IQCN: variants seen among roughly 807,000 people sequenced by gnomAD.
IQCN encodes IQ domain-containing protein N.
IQCN carries 46 observed loss-of-function variants against 64.4 expected under a neutral mutation model. The observed-to-expected ratio is 0.71, with a 90% confidence interval of 0.56 to 0.91. IQCN has a LOEUF of 0.91. IQCN is among the 40% of genes least tolerant of loss of function. The pLI is 0.00. For synonymous variants in IQCN, 733 were observed against 775.6 expected (o/e 0.95, Z 0.91); for missense variants, 1,753 against 1,857.4 (o/e 0.94, Z 1.03).
chr19:18,258,097 C>T lies in IQCN; in HGVS notation c.3187G>A (p.Asp1063Asn). 1 of 1,610,126 alleles carries T rather than the reference C, an allele frequency of 6.2e-7. No homozygotes were observed. The highest frequency in any genetic ancestry group is 1.1e-5 in the South Asian group (1 of 91,090). The change falls in exon 4 of 4, where the codon GAC becomes AAC. Residue 1063 changes from aspartate to asparagine, a missense_variant. By Grantham distance (23) the Asp-to-Asn change is conservative. Transcript: ENST00000392413. ...VRPQTSKGPA[D>N]AGVVGGQSWN... Reference sequence around the variant, plus strand: ...GATTGGCCACCAACCACACCAGCGTCCGCGGGGCCCTGGAGTATAGTGGAG... The same window carrying T: ...GATTGGCCACCAACCACACCAGCGTTCGCGGGGCCCTGGAGTATAGTGGAG...
rs1204694986 is a variant in IQCN, at chr19:18,266,962, T to C, written c.578A>G (p.Gln193Arg). Reference protein sequence around the residue: ...SPPIMVNKETQFPSCDNLVLC... With the variant: ...SPPIMVNKETRFPSCDNLVLC... ...GACCAGATTGTCACAGGAAGGGAAC[T>C]GGGTCTCCTTGTTCACCATGATGGG... Residue 193 changes from glutamine to arginine, a missense_variant, in exon 3 of 4, where the codon CAG becomes CGG. Transcript: ENST00000392413. This position sits in a 1 kb window ranked among gnomAD's most constrained non-coding sequence, Gnocchi z 4.3. The C allele has an allele frequency of 1.2e-6, 2 of 1,613,326 alleles. No individual in the cohort carries two copies. The highest frequency in any genetic ancestry group is 2.2e-5 in the South Asian group (2 of 91,056).
intron 2 of IQCN, 99 bp downstream of exon 2, chr19:18,269,367 C>T: frequency 7.9e-7 from 1 of 1,261,524 alleles, no homozygotes; most frequent in East Asian, 2.4e-5. Context: ...TGTCAAGCCA[C>T]CCTGATGCAT....
At chr19:18,270,128 G>C (rs1321006082) in intron 1 of IQCN, among the ~76,000 whole-genome samples, 3 of 151,570 alleles carry the variant, frequency 2.0e-5, no homozygotes, top group African/African-American at 7.3e-5. Flanking sequence ...GGGAGGCCGA[G>C]GAGGGTGGAT....
rs977592703 is a variant in IQCN, at chr19:18,257,122, T to C, written c.*58A>G. ...CTAGGCTGTGGAGGACTTTATTCAT[T>C]AGACCCAGAGAGCCATGAGTGCCTC... On this transcript the variant is annotated 3_prime_UTR_variant, in exon 4 of 4. Coordinates refer to ENST00000392413, the MANE Select transcript of IQCN (RefSeq NM_001145304.2). 6.4e-6 allele frequency: 10 copies of C among 1,551,992 alleles called. No individual in the cohort carries two copies. The highest frequency in any genetic ancestry group is 1.1e-5 in the South Asian group (1 of 88,540).
At chr19:18,268,174 CTGTGTGTGTGTGTG>C (rs71336668) in intron 2 of IQCN, among the ~76,000 whole-genome samples, 50 of 134,400 alleles carry the variant, frequency 3.7e-4, no homozygotes, top group African/African-American at 7.3e-4. Flanking sequence ...CTGTTTGCCT[CTGTGTGTGTGTGTG>C]TGTGTGTGTG....
In IQCN at chr19:18,257,699, G is replaced by A. The variant is rs774118460; in HGVS notation, c.3585C>T (p.Gly1195=). The change falls in exon 4 of 4, where the codon GGC becomes GGT. Residue 1195 remains glycine, a synonymous_variant. Transcript: ENST00000392413. ...GGTCAGACATGACCCCGGCCCGGCT[G>A]CCCAGCTCCACCCACGTGACGGGGT... ...MLHPVTWVEL[G]SRAGVMSDRS... is the part of the protein sequence containing the mutation. 2 of 1,604,704 alleles carry A rather than the reference G, an allele frequency of 1.2e-6. No homozygotes were observed. The highest frequency in any genetic ancestry group is 2.2e-5 in the South Asian group (2 of 90,244).
intron 3 of IQCN, among the ~76,000 whole-genome samples, chr19:18,262,894 T>C (rs1230163433): frequency 1.3e-5 from 2 of 152,154 alleles, no homozygotes; most frequent in Non-Finnish European, 1.5e-5. Flanking sequence ...AGAGTCCTCC[T>C]CAGCTCTGTC....
chr19:18,265,753 G>T lies in IQCN; in HGVS notation c.1787C>A (p.Ala596Glu). 5 of 1,614,188 alleles carry T rather than the reference G, an allele frequency of 3.1e-6. No homozygotes were observed. The highest frequency in any genetic ancestry group is 4.2e-6 in the Non-Finnish European group (5 of 1,180,032). ...CTCGGCTTCCAAAGGAAGCTCAGCT[G>T]CAGCCCTGGGGACCCCAGTTCCCGG... ...PHPGTGVPRA[A>E]AELPLEAEKI... Residue 596 changes from alanine to glutamate, a missense_variant, in exon 3 of 4, where the codon GCA (alanine) becomes GAA (glutamate). Ala to Glu is a moderately radical substitution (Grantham distance 107). Transcript: ENST00000392413. The surrounding 1 kb of genome is among the most constrained non-coding windows in gnomAD (Gnocchi z 4.7).
Position 18,266,187 on chromosome 19 carries a change from T to C in IQCN, c.1353A>G (p.Ala451=). Residue 451 remains alanine (A), a synonymous_variant, in exon 3 of 4, where the codon GCA becomes GCG. Coordinates refer to ENST00000392413, the MANE Select transcript of IQCN (RefSeq NM_001145304.2). The surrounding 1 kb of genome is among the most constrained non-coding windows in gnomAD (Gnocchi z 4.3). ...CCGGGTGCATCTGGGGTGGGGTCTT[T>C]GCCATCGCAGGCCCCGGGCATACCT... is the stretch of plus-strand genomic sequence containing the variant. ...LPQVCPGPAM[A]KTPPQMHPVT... 1.2e-6 allele frequency: 2 copies of C among 1,613,726 alleles called. No homozygotes were observed. Among genetic ancestry groups the C allele is most frequent in the Non-Finnish European group, 1.7e-6 (2 of 1,179,908 alleles).
At chr19:18,270,316 G>A (rs978423362) in intron 1 of IQCN, among the ~76,000 whole-genome samples, 3 of 149,890 alleles carry the variant, frequency 2.0e-5, no homozygotes, top group South Asian at 2.1e-4. Context: ...AGCTGAGATC[G>A]TGCCATTGTA....
Position 18,257,778 on chromosome 19 carries a change from G to A in IQCN, c.3506C>T (p.Ala1169Val). 1 of 1,611,230 alleles carries A rather than the reference G, an allele frequency of 6.2e-7. No individual in the cohort carries two copies. The highest frequency in any genetic ancestry group is 8.5e-7 in the Non-Finnish European group (1 of 1,179,264). Residue 1169 changes from alanine (A) to valine (V), a missense_variant, in exon 4 of 4, where the codon GCC (alanine) becomes GTC (valine). Physicochemically the swap from Ala to Val is moderately conservative, Grantham distance 64 (BLOSUM62 0). Coordinates refer to ENST00000392413, the MANE Select transcript of IQCN (RefSeq NM_001145304.2). Reference protein sequence around the residue: ...LCRATTTIQSAWRGYSTRRDQ... With the variant: ...LCRATTTIQSVWRGYSTRRDQ... ...CCGGCGGGTGCTGTAGCCGCGCCAG[G>A]CAGACTGGATGGTCGTGGTGGCTCT...
At position 18,264,583 on chromosome 19, in the gene IQCN, G is replaced by A. The variant is rs1367668097; in HGVS notation, c.2957C>T (p.Ala986Val). Residue 986 changes from alanine to valine, a missense_variant, in exon 3 of 4, where the codon GCT becomes GTT. Coordinates refer to ENST00000392413, the MANE Select transcript of IQCN (RefSeq NM_001145304.2). This position sits in a 1 kb window ranked among gnomAD's most constrained non-coding sequence, Gnocchi z 4.3. ...SKALTEEEWV[A>V]LSQALCQGEL... ...ACCCTGACACAGGGCCTGGCTCAGAGCCACCCACTCCTCCTCCGTCAAAGC... is the reference window on the plus strand; with the variant it reads ...ACCCTGACACAGGGCCTGGCTCAGAACCACCCACTCCTCCTCCGTCAAAGC... 1.9e-6 allele frequency: 3 copies of A among 1,551,478 alleles called. No homozygotes were observed. Among genetic ancestry groups the A allele is most frequent in the Non-Finnish European group, 2.6e-6 (3 of 1,146,984 alleles).
chr19:18,260,428 C>T (rs1568276169), intron 3 of IQCN: 1 of 152,620 alleles, frequency 6.6e-6, no homozygotes, highest in Non-Finnish European at 1.5e-5. Flanking sequence ...AGATTTGAAT[C>T]CAGCCTAGAG....
At position 18,265,810 on chromosome 19, in the gene IQCN, T is replaced by C; in HGVS notation, c.1730A>G (p.Glu577Gly). 1 of 1,614,134 alleles carries C rather than the reference T, an allele frequency of 6.2e-7. No individual in the cohort carries two copies. The highest frequency in any genetic ancestry group is 1.3e-5 in the African/African-American group (1 of 75,024). Residue 577 changes from glutamate to glycine, a missense_variant, in exon 3 of 4, where the codon GAG (glutamate) becomes GGG (glycine). By Grantham distance (98) the Glu-to-Gly change is moderately conservative. Coordinates refer to ENST00000392413, the MANE Select transcript of IQCN (RefSeq NM_001145304.2). This position sits in a 1 kb window ranked among gnomAD's most constrained non-coding sequence, Gnocchi z 4.7. ...TTGAGCCAGGCACCTGATCTTCCCC[T>C]CAGCCAAATAGGAGGGGGATGAGGC... Reference protein sequence around the residue: ...VKASSPSYLAEGKIRCLAQPH... With the variant: ...VKASSPSYLAGGKIRCLAQPH...
rs200724201 is a variant in IQCN, at chr19:18,267,066, C to T, written c.474G>A (p.Ala158=). The change falls in exon 3 of 4, where the codon GCG becomes GCA. Residue 158 remains alanine, a synonymous_variant. Transcript: ENST00000392413. ...CGTGATAAGGTATGTCCCCCTCCTC[C>T]GCCCTCGTTTTCTTTACCAACGACT... ...SSKSLVKKTR[A]EEGDIPYHAP... is the part of the protein sequence containing the mutation. 5.1e-5 allele frequency: 83 copies of T among 1,614,240 alleles called. No homozygotes were observed. In the East Asian group the frequency reaches 1.0e-3, roughly 19 times the overall value.
In IQCN at chr19:18,265,710, G is replaced by T; in HGVS notation, c.1830C>A (p.Thr610=). The change falls in exon 3 of 4, where the codon ACC becomes ACA. Residue 610 remains threonine, a synonymous_variant. Transcript: ENST00000392413. This position sits in a 1 kb window ranked among gnomAD's most constrained non-coding sequence, Gnocchi z 4.7. ...CCATGTCTGTTTTCGCCTGTTTCTGGGTGCCAGTCTTGATTTTCTCGGCTT... is the reference window on the plus strand; with the variant it reads ...CCATGTCTGTTTTCGCCTGTTTCTGTGTGCCAGTCTTGATTTTCTCGGCTT... ...PLEAEKIKTG[T]QKQAKTDMAF... is the part of the protein sequence containing the mutation. 1 of 1,614,180 alleles carries T rather than the reference G, an allele frequency of 6.2e-7. No individual in the cohort carries two copies. Among genetic ancestry groups the T allele is most frequent in the Non-Finnish European group, 8.5e-7 (1 of 1,180,032 alleles).
At position 18,257,276 on chromosome 19, in the gene IQCN, G is replaced by C. The variant is rs905960535; in HGVS notation, c.4008C>G (p.Gly1336=). Residue 1336 remains glycine, a synonymous_variant, in exon 4 of 4, where the codon GGC becomes GGG. Transcript: ENST00000392413. ...TCTTCAGACAGCTCCGGGTATGGTG[G>C]CCTCGCCAGGTGGCTTGAACTATCT... The part of the protein sequence containing the change: ...AAKIVQATWR[G]HHTRSCLKNT... 2.5e-6 allele frequency: 4 copies of C among 1,613,588 alleles called. No homozygotes were observed. The highest frequency in any genetic ancestry group is 3.4e-6 in the Non-Finnish European group (4 of 1,180,032).
Position 18,264,464 on chromosome 19 carries a change from C to A in IQCN, c.3076G>T (p.Gly1026Trp). The A allele has an allele frequency of 6.4e-7, 1 of 1,551,404 alleles. No individual in the cohort carries two copies. The highest frequency in any genetic ancestry group is 8.7e-7 in the Non-Finnish European group (1 of 1,146,928). The change falls in exon 3 of 4, where the codon GGG becomes TGG. Residue 1026 changes from glycine to tryptophan, a missense_variant. Gly to Trp is a radical substitution (Grantham distance 184, BLOSUM62 -2). Transcript: ENST00000392413. The surrounding 1 kb of genome is among the most constrained non-coding windows in gnomAD (Gnocchi z 4.3). Reference protein sequence around the residue: ...PKAASKSTGSGVTKTPALVKV... With the variant: ...PKAASKSTGSWVTKTPALVKV... Reference sequence around the variant, plus strand: ...ACCAGGGCCGGCGTCTTAGTCACCCCGCTTCCTGTTGATTTCGAGGCGGCC... The same window carrying A: ...ACCAGGGCCGGCGTCTTAGTCACCCAGCTTCCTGTTGATTTCGAGGCGGCC...
rs149091561 is a variant in IQCN, at chr19:18,273,048, A to G, written c.-110+1355T>C. Among the ~76,000 whole-genome samples the G allele has an allele frequency of 5.5e-3, 828 of 151,626 alleles. 3 individuals carry two copies. The highest frequency in any genetic ancestry group is 8.0e-3 in the Non-Finnish European group (545 of 67,890). On this transcript the variant is annotated intron_variant, in intron 1 of 3. Coordinates refer to ENST00000392413, the MANE Select transcript of IQCN (RefSeq NM_001145304.2). ...TATTTATTATTTTTATTTTTTTGAGATGGACGGAATCTTGCTCTGTTGCCC... is the reference window on the plus strand; with the variant it reads ...TATTTATTATTTTTATTTTTTTGAGGTGGACGGAATCTTGCTCTGTTGCCC...
Sources: gnomAD v4.1 joint callset for allele counts (sites outside exome capture counted in the v4.1 genomes callset) on GRCh38, gnomAD v4.1.1 for gene constraint, Gnocchi (gnomAD v3.1) non-coding constraint, MANE v1.5 for transcripts, NCBI Gene and HGNC (gene_info 2026-07-23, HGNC 2026-07-21) for gene names.